SNED1: variants seen among roughly 807,000 people sequenced by gnomAD.
SNED1 encodes the protein sushi, nidogen and EGF like domains 1.
In SNED1, 81 loss-of-function variants were observed where a neutral mutation model predicts 166.7. The observed-to-expected ratio is 0.49, with a 90% CI of 0.41 to 0.58. SNED1 has a LOEUF of 0.58. Among genes scored for constraint, SNED1 ranks in the 20% least tolerant of loss-of-function variants. SNED1 has a pLI of 0.00. For missense variants in SNED1, 1,604 were observed against 2,000.2 expected (o/e 0.80, Z 3.78); for synonymous variants, 762 against 822.0 (o/e 0.93, Z 1.25).
Position 241,063,154 on chromosome 2 carries a change from G to A in SNED1, c.2371+250G>A, listed in dbSNP as rs144530564. On this transcript the variant is annotated intron_variant, in intron 17 of 31. Coordinates refer to ENST00000310397, the MANE Select transcript of SNED1 (RefSeq NM_001080437.3). ...GCTTCAGGGCGCAGAGAAGGTGGGC[G>A]TCGGAGAGGGCAGGTCACAGTCTCT... Among the ~76,000 whole-genome samples, 201 of 152,366 alleles carry A rather than the reference G, an allele frequency of 1.3e-3. 1 individual carries two copies. Among genetic ancestry groups the A allele is most frequent in the African/African-American group, 4.6e-3 (193 of 41,588 alleles).
intron 27 of SNED1, 103 bp from the exon 28 acceptor site, chr2:241,081,574 G>A (rs1056907723): frequency 1.1e-4 from 97 of 845,702 alleles, no homozygotes; most frequent in Non-Finnish European, 1.6e-4. Flanking sequence ...AGGAGTGCAC[G>A]GCCACCCTGC....
At chr2:241,082,666 A>G (rs1478613271) in intron 29 of SNED1, among the ~76,000 whole-genome samples, 1 of 152,214 alleles carries the variant, frequency 6.6e-6, no homozygotes, top group East Asian at 1.9e-4. Flanking sequence ...TGGATGGCAG[A>G]GCCAACTGAT....
Position 241,068,769 on chromosome 2 carries a change from C to T in SNED1, c.3195-142C>T. 1 of 624,438 alleles carries T rather than the reference C, an allele frequency of 1.6e-6. No homozygotes were observed. Among genetic ancestry groups the T allele is most frequent in the Non-Finnish European group, 2.9e-6 (1 of 349,566 alleles). The allele number at this position is 624,438 out of a possible 1,614,324, so 38.7% of individuals were successfully genotyped here. A position where few individuals can be genotyped will look rare whatever the true frequency, so the allele number is the denominator to read the frequency against. ...CGGCTCTGAGGGCCATGAGTCTGCC[C>T]CTCGTGGAGGTTGCCTGGGCCACCA... On this transcript the variant is annotated intron_variant, in intron 22 of 31. Coordinates refer to ENST00000310397, the MANE Select transcript of SNED1 (RefSeq NM_001080437.3). The surrounding 1 kb of genome is among the most constrained non-coding windows in gnomAD (Gnocchi z 5.3).
chr2:241,014,690 C>T (rs1016064586), intron 1 of SNED1, among the ~76,000 whole-genome samples: 2 of 152,084 alleles, frequency 1.3e-5, no homozygotes, highest in African/African-American at 2.4e-5. Flanking sequence ...ATTCTGCACT[C>T]GTTTCATCCT....
At chr2:241,005,551 C>T (rs562916637) in intron 1 of SNED1, among the ~76,000 whole-genome samples, 1 of 152,022 alleles carries the variant, frequency 6.6e-6, no homozygotes, top group Admixed American at 6.6e-5. Context: ...AGGACTTCCT[C>T]TAATATTTCT....
intron 16 of SNED1, among the ~76,000 whole-genome samples, chr2:241,062,078 TAAAC>T (rs1181141552): frequency 2.6e-5 from 4 of 152,182 alleles, no homozygotes; most frequent in Non-Finnish European, 4.4e-5. Context: ...ATAAAGTTCA[TAAAC>T]AACAAAAACA....
At chr2:240,998,607 G>A (rs2059982612), upstream of SNED1, among the ~76,000 whole-genome samples, 1 of 151,974 alleles carries the variant, frequency 6.6e-6, no homozygotes, top group Non-Finnish European at 1.5e-5. Flanking sequence ...CGTGGCCCCA[G>A]GGGCGGGGCT....
At position 241,065,596 on chromosome 2, in the gene SNED1, G is replaced by C. The variant is rs1471814215; in HGVS notation, c.3010+1G>C. 5.0e-6 allele frequency: 8 copies of C among 1,610,550 alleles called. No individual in the cohort carries two copies. Among genetic ancestry groups the C allele is most frequent in the Non-Finnish European group, 6.8e-6 (8 of 1,179,240 alleles). ...CCTGCCGTGCTGCTGGCCCGCACGC[G>C]TGAGTGTCCCCGAGCCTGGCCGTCC... On this transcript the variant is annotated splice_donor_variant, in intron 21 of 31. Transcript: ENST00000310397. LOFTEE classifies it high-confidence loss of function.
intron 1 of SNED1, among the ~76,000 whole-genome samples, chr2:241,008,501 C>T (rs955421084): frequency 6.6e-6 from 1 of 152,220 alleles, no homozygotes; most frequent in Admixed American, 6.5e-5. Context: ...GGGGTGGAAG[C>T]TCTGGGCAGA....
intron 31 of SNED1, chr2:241,088,991 G>A (rs62187373): frequency 0.081 from 22,552 of 277,458 alleles, 1,223 homozygotes; most frequent in East Asian, 0.23. Context: ...AAATCCTGAC[G>A]TGAAAGGAAC....
At chr2:241,033,237 G>A (rs534512888) in intron 2 of SNED1, among the ~76,000 whole-genome samples, 10 of 152,190 alleles carry the variant, frequency 6.6e-5, no homozygotes, top group Admixed American at 5.2e-4. Context: ...AAACAGTCCC[G>A]ATCCTTTGCT....
chr2:240,998,443 C>A (rs1462881799), upstream of SNED1, among the ~76,000 whole-genome samples: 1 of 152,222 alleles, frequency 6.6e-6, no homozygotes, highest in East Asian at 1.9e-4. Flanking sequence ...CACCACAGGG[C>A]GCGCGCCCGC....
At chr2:241,056,005 T>C (rs935000649) in intron 16 of SNED1, among the ~76,000 whole-genome samples, 6 of 152,194 alleles carry the variant, frequency 3.9e-5, no homozygotes, top group African/African-American at 1.4e-4. Flanking sequence ...AATTTTCTAC[T>C]TTGATTTCCA....
rs150954910 is a variant in SNED1 at position 241,064,459 on chromosome 2, G to A, written c.2599+334G>A. On this transcript the variant is annotated intron_variant, in intron 19 of 31. Transcript: ENST00000310397. This position sits in a 1 kb window ranked among gnomAD's most constrained non-coding sequence, Gnocchi z 7.0. Reference sequence around the variant, plus strand: ...CCAAGTTTCTTGCACACCCAGGTCTGGCCCCTGGCTGTCCTTCCATCTGGA... The same window carrying A: ...CCAAGTTTCTTGCACACCCAGGTCTAGCCCCTGGCTGTCCTTCCATCTGGA... 4.9e-4 allele frequency among the ~76,000 whole-genome samples: 74 copies of A among 152,286 alleles called. 1 individual carries two copies. Among genetic ancestry groups the A allele is most frequent in the Non-Finnish European group, 1.2e-4 (8 of 68,018 alleles).
In SNED1 at chr2:241,033,840, G is replaced by A; in HGVS notation, c.607G>A (p.Gly203Ser). The part of the protein sequence containing the change: ...WTTGTHASSG[G>S]NATGLGGIAA... ...CACAGGCACACACGCCAGCAGCGGG[G>A]GCAACGCCACTGGCCTCGGGGGCAT... The change falls in exon 3 of 32, where the codon GGC becomes AGC. Residue 203 changes from glycine (G) to serine (S), a missense_variant. By Grantham distance (56) the Gly-to-Ser change is moderately conservative (BLOSUM62 0). Transcript: ENST00000310397. 6.2e-7 allele frequency: 1 copy of A among 1,608,588 alleles called. No homozygotes were observed.
chr2:241,014,536 A>G (rs1178041628), intron 1 of SNED1, among the ~76,000 whole-genome samples: 1 of 152,150 alleles, frequency 6.6e-6, no homozygotes, highest in Non-Finnish European at 1.5e-5. Context: ...CCAGTCTCAT[A>G]TGTTCACTTA....
intron 16 of SNED1, among the ~76,000 whole-genome samples, chr2:241,059,214 T>C (rs781684370): frequency 2.9e-4 from 44 of 152,198 alleles, no homozygotes; most frequent in Non-Finnish European, 5.9e-5. Context: ...AGAAAACATA[T>C]ACAGCCTTAT....
rs2060017124 is a variant in SNED1 at position 240,999,691 on chromosome 2, G to A, written c.213+641G>A. ...CAGGACTCCCAGTGGGACTCCTGGG[G>A]CCAGGGACTCATGACAGCAGGCTCA... On this transcript the variant is annotated intron_variant, in intron 1 of 31. Coordinates refer to ENST00000310397, the MANE Select transcript of SNED1 (RefSeq NM_001080437.3). The surrounding 1 kb of genome is among the most constrained non-coding windows in gnomAD (Gnocchi z 5.8). Among the ~76,000 whole-genome samples, 1 of 152,178 alleles carries A rather than the reference G, an allele frequency of 6.6e-6. No individual in the cohort carries two copies. Among genetic ancestry groups the A allele is most frequent in the South Asian group, 2.1e-4 (1 of 4,834 alleles).
At chr2:241,079,272 C>T (rs1378466813) in intron 27 of SNED1, among the ~76,000 whole-genome samples, 11 of 151,182 alleles carry the variant, frequency 7.3e-5, no homozygotes, top group South Asian at 2.1e-4. Context: ...ATTAGCCGGG[C>T]GCAGTGGCAG....
Sources: gnomAD v4.1 joint callset for allele counts (sites outside exome capture counted in the v4.1 genomes callset) on GRCh38, gnomAD v4.1.1 for gene constraint, Gnocchi (gnomAD v3.1) non-coding constraint, MANE v1.5 for transcripts, NCBI Gene and HGNC (gene_info 2026-07-23, HGNC 2026-07-21) for gene names.